The following GABRA3 variants were observed in gnomAD, a reference collection of about 807,000 sequenced individuals.
GABRA3 encodes gamma-aminobutyric acid receptor subunit alpha-3.
Under a neutral mutation model 30.1 loss-of-function variants are expected in GABRA3, and 10 were observed. That is an observed-to-expected ratio of 0.33 (90% CI 0.20 to 0.56). The LOEUF (loss-of-function observed/expected upper bound fraction) is 0.56. Ranked by LOEUF, GABRA3 falls within the 20% of genes least tolerant of loss-of-function variation. The pLI is 0.89. For synonymous variants in GABRA3, 151 were observed against 146.8 expected, an observed-to-expected ratio of 1.03 and a Z score of -0.21; for missense variants, 233 against 392.0, an observed-to-expected ratio of 0.59 and a Z score of 3.42.
chrX:152,205,435 T>C (rs920846268), intron 7 of GABRA3, among the ~76,000 whole-genome samples: 1 of 112,059 alleles, frequency 8.9e-6, no homozygotes, highest in Non-Finnish European at 1.9e-5. Context: ...TACAGTGTTG[T>C]TTATAGCATT....
At chrX:152,304,069 A>AT (rs1340961912) in intron 3 of GABRA3, among the ~76,000 whole-genome samples, 69 of 111,489 alleles carry the variant, frequency 6.2e-4, no homozygotes, top group African/African-American at 2.1e-3. Context: ...AATATTGAGC[A>AT]TTTTTTTCAT....
intron 4 of GABRA3, among the ~76,000 whole-genome samples, chrX:152,281,250 C>T (rs1939193690): frequency 8.9e-6 from 1 of 111,950 alleles, no homozygotes; most frequent in African/African-American, 3.2e-5. Context: ...GCCATTTCCA[C>T]CCTCTTCCTA....
At chrX:152,368,118 C>T (rs1411446245) in intron 1 of GABRA3, among the ~76,000 whole-genome samples, 1 of 111,727 alleles carries the variant, frequency 9.0e-6, no homozygotes, top group East Asian at 2.8e-4. Context: ...ATTTCTTCCC[C>T]CTGCTCATAA....
At chrX:152,214,680 A>C (rs767840781) in intron 6 of GABRA3, among the ~76,000 whole-genome samples, 5 of 111,211 alleles carry the variant, frequency 4.5e-5, no homozygotes, top group Non-Finnish European at 9.5e-5. Context: ...TGAACATTTT[A>C]ACAATATCAG....
intron 1 of GABRA3, among the ~76,000 whole-genome samples, chrX:152,396,352 T>C (rs1021869344): frequency 3.6e-5 from 4 of 112,166 alleles, no homozygotes; most frequent in Admixed American, 1.9e-4. Context: ...AACATTTCTG[T>C]TGTTTTAAGC....
chrX:152,204,688 C>T (rs149450241), intron 7 of GABRA3, among the ~76,000 whole-genome samples: 55 of 112,206 alleles, frequency 4.9e-4, no homozygotes, highest in African/African-American at 1.7e-3. Context: ...CCACTAAACC[C>T]ATATATTACT....
intron 1 of GABRA3, among the ~76,000 whole-genome samples, chrX:152,426,154 A>G (rs1471443653): frequency 9.0e-6 from 1 of 111,658 alleles, no homozygotes; most frequent in Non-Finnish European, 1.9e-5. Context: ...GCATTTTAAG[A>G]CACAGCTAAG....
intron 1 of GABRA3, among the ~76,000 whole-genome samples, chrX:152,430,645 T>C (rs1189115188): frequency 6.3e-5 from 7 of 111,708 alleles, no homozygotes; most frequent in African/African-American, 2.3e-4. Context: ...ATCACAGTAT[T>C]GCATCTATGA....
chrX:152,223,900 G>T (rs979052739), intron 6 of GABRA3, among the ~76,000 whole-genome samples: 1 of 110,397 alleles, frequency 9.1e-6, no homozygotes, highest in Non-Finnish European at 1.9e-5. Context: ...ACTGCCACTC[G>T]TCTCTCTATA....
intron 3 of GABRA3, among the ~76,000 whole-genome samples, chrX:152,299,242 G>T (rs891024281): frequency 2.7e-5 from 3 of 112,172 alleles, no homozygotes; most frequent in African/African-American, 9.7e-5. Flanking sequence ...AAAGAGTAAA[G>T]TAAAAAAGAC....
chrX:152,234,017 G>A (rs1351879685), intron 5 of GABRA3, among the ~76,000 whole-genome samples: 5 of 91,616 alleles, frequency 5.5e-5, no homozygotes, highest in African/African-American at 8.1e-5. Flanking sequence ...GGACACAGGA[G>A]GGGGAACATC....
chrX:152,168,457 G>C lies in GABRA3; in HGVS notation c.1250C>G (p.Ser417Cys). Reference sequence around the variant, plus strand: ...GGAGGCACTGGGAGCAGCGCCCTTGGAGATGGTGGAAAATTCAGTGTCCTT... The same window carrying C: ...GGAGGCACTGGGAGCAGCGCCCTTGCAGATGGTGGAAAATTCAGTGTCCTT... ...LAKDTEFSTI[S>C]KGAAPSASST... Residue 417 changes from serine to cysteine, a missense_variant, in exon 10 of 10, where the codon TCC (serine) becomes TGC (cysteine). By Grantham distance (112) the Ser-to-Cys change is moderately radical. This residue lies in a region of GABRA3 where 66 missense variants were observed against 57.1 expected (regional missense o/e 1.16). Transcript: ENST00000370314. 3 of 1,211,732 alleles carry C rather than the reference G, an allele frequency of 2.5e-6. No homozygotes were observed. The highest frequency in any genetic ancestry group is 3.4e-6 in the Non-Finnish European group (3 of 895,284).
chrX:152,301,627 G>A (rs1376937009), intron 3 of GABRA3, among the ~76,000 whole-genome samples: 6 of 110,429 alleles, frequency 5.4e-5, no homozygotes, highest in Non-Finnish European at 1.1e-4. Context: ...TCCACATCCC[G>A]GGTTCAAGTG....
intron 3 of GABRA3, among the ~76,000 whole-genome samples, chrX:152,340,162 G>A (rs1181644199): frequency 1.8e-5 from 2 of 111,034 alleles, no homozygotes; most frequent in African/African-American, 6.6e-5. Flanking sequence ...TACATCCTTC[G>A]TTGCTTTATT....
At chrX:152,267,111 AT>A (rs1417461453) in intron 4 of GABRA3, among the ~76,000 whole-genome samples, 1 of 112,052 alleles carries the variant, frequency 8.9e-6, no homozygotes, top group Non-Finnish European at 1.9e-5. Flanking sequence ...CATTAATTCA[AT>A]TTTTTCACTG....
chrX:152,387,041 G>A (rs55719591), intron 1 of GABRA3, among the ~76,000 whole-genome samples: 48,473 of 104,581 alleles, frequency 0.46, 10,190 homozygotes, highest in Non-Finnish European at 0.63. Context: ...GTAAACTATC[G>A]CAAGCACAAA....
intron 9 of GABRA3, among the ~76,000 whole-genome samples, chrX:152,173,252 G>A (rs1293067408): frequency 9.2e-6 from 1 of 108,999 alleles, no homozygotes; most frequent in South Asian, 4.1e-4. Context: ...GGGGGGTGGG[G>A]GTTATCTAGA....
At chrX:152,237,852 G>C (rs1485133348) in intron 5 of GABRA3, among the ~76,000 whole-genome samples, 3 of 109,613 alleles carry the variant, frequency 2.7e-5, no homozygotes, top group East Asian at 2.9e-4. Context: ...TGTATCCTGA[G>C]ACTTTGCTGA....
At chrX:152,311,348 G>A (rs1939796291) in intron 3 of GABRA3, among the ~76,000 whole-genome samples, 1 of 111,725 alleles carries the variant, frequency 9.0e-6, no homozygotes, top group Admixed American at 9.5e-5. Flanking sequence ...ACATCAAAAG[G>A]CTAATCCACC....
Sources: allele counts gnomAD v4.1 joint callset (sites outside exome capture counted in the v4.1 genomes callset), GRCh38; gene constraint gnomAD v4.1.1; regional missense constraint gnomAD v4.1.1; transcripts MANE v1.5; gene names NCBI Gene and HGNC (gene_info 2026-07-23, HGNC 2026-07-21).